EML2: variants seen among roughly 807,000 people sequenced by gnomAD.
EML2 encodes echinoderm microtubule-associated protein-like 2.
Under a neutral mutation model 84.7 loss-of-function variants are expected in EML2, and 59 were observed. The observed-to-expected ratio is 0.70, with a 90% CI of 0.56 to 0.86. The LOEUF is 0.86. Among genes scored for constraint, EML2 ranks in the 40% least tolerant of loss-of-function variants. The pLI is 0.00. For synonymous variants in EML2, 352 were observed against 348.9 expected, an observed-to-expected ratio of 1.01 and a Z score of -0.10; for missense variants, 818 against 855.6, an observed-to-expected ratio of 0.96 and a Z score of 0.55.
At chr19:45,639,424 C>T, upstream of EML2, 3 of 1,247,854 alleles carry the variant, frequency 2.4e-6, no homozygotes, top group Non-Finnish European at 3.0e-6. Flanking sequence ...CCGGGACCGG[C>T]TCTGCCGCTT....
rs982358746 is a variant in EML2, at chr19:45,616,636, G to T, written c.1412-78C>A. 6.0e-5 allele frequency: 84 copies of T among 1,402,628 alleles called. No individual in the cohort carries two copies. In the Middle Eastern group the frequency reaches 9.7e-4, roughly 16 times the overall value. The allele number at this position is 1,402,628 out of a possible 1,614,324, so 86.9% of individuals were successfully genotyped here. ...TCGCCCAGACTCAGCCCCCTCAACA[G>T]TCCCCAGCTCCATCCCCACTGCATC... is the stretch of plus-strand genomic sequence containing the variant. On this transcript the variant is annotated intron_variant, in intron 14 of 18. Transcript: ENST00000245925.
At chr19:45,643,719 C>T, upstream of EML2, 3 of 1,531,860 alleles carry the variant, frequency 2.0e-6, no homozygotes, top group Non-Finnish European at 1.7e-6. Context: ...GCCCTCTGGG[C>T]TCCGCAGTGC....
At chr19:45,639,131 G>T in intron 1 of EML2, 1 of 665,162 alleles carries the variant, frequency 1.5e-6, no homozygotes, top group Non-Finnish European at 2.6e-6. Flanking sequence ...TGGAAGAAGG[G>T]AGTCACCAAG....
chr19:45,628,120 C>A (rs375714162), intron 7 of EML2, among the ~76,000 whole-genome samples: 2 of 150,468 alleles, frequency 1.3e-5, no homozygotes, highest in African/African-American at 4.9e-5. Context: ...ACCTGTAATC[C>A]CAGCACTTTG....
intron 3 of EML2, 36 bp downstream of exon 3, chr19:45,638,469 G>T (rs1428442586): frequency 3.7e-5 from 60 of 1,613,116 alleles, no homozygotes; most frequent in Non-Finnish European, 4.7e-5. Context: ...CTCCTGGGGG[G>T]ATGGGAGCAC....
chr19:45,628,824 A>AAAGTAAAT, intron 7 of EML2: 1 of 147,532 alleles, frequency 6.8e-6, no homozygotes, highest in African/African-American at 2.6e-5. Context: ...ACTCCGTCTC[A>AAAGTAAAT]AAGTAAGTAA....
intron 9 of EML2, 99 bp from the exon 10 acceptor site, chr19:45,621,736 AC>A: frequency 1.6e-6 from 2 of 1,217,630 alleles, no homozygotes; most frequent in South Asian, 3.2e-5. Flanking sequence ...ATCCATTCTC[AC>A]CCACTTTTCC....
At chr19:45,643,501 C>A, upstream of EML2, 2 of 1,527,486 alleles carry the variant, frequency 1.3e-6, no homozygotes, top group Non-Finnish European at 1.8e-6. Flanking sequence ...GCCCCCCCAA[C>A]CCCGCTCATT....
upstream of EML2, chr19:45,639,520 A>G: frequency 1.2e-6 from 1 of 828,132 alleles, no homozygotes; most frequent in Non-Finnish European, 1.6e-6. Context: ...ACCGGGTCAC[A>G]CATCCCGGGC....
chr19:45,645,251 C>G (rs1298084876), upstream of EML2: 4 of 1,531,042 alleles, frequency 2.6e-6, no homozygotes, highest in African/African-American at 2.8e-5. Flanking sequence ...GGGCCAAGGT[C>G]GGAACTGAGG....
chr19:45,616,266 G>A (rs976110211), intron 15 of EML2, 195 bp downstream of exon 15: 10 of 577,732 alleles, frequency 1.7e-5, no homozygotes, highest in Non-Finnish European at 2.8e-5. Flanking sequence ...TTAGCACGTG[G>A]GGGCGGGGCT....
intron 11 of EML2, 151 bp from the exon 12 acceptor site, chr19:45,619,342 G>GC: frequency 1.0e-6 from 1 of 998,716 alleles, no homozygotes; most frequent in East Asian, 2.8e-5. Flanking sequence ...TCTGAAGGGG[G>GC]CCTCAATTGG....
upstream of EML2, among the ~76,000 whole-genome samples, chr19:45,639,813 G>A (rs1012778695): frequency 6.6e-6 from 1 of 152,034 alleles, no homozygotes; most frequent in Non-Finnish European, 1.5e-5. Flanking sequence ...GGCCAACGTG[G>A]TGAAACCCCG....
In EML2 at chr19:45,609,429, T is replaced by G; in HGVS notation, c.*234A>C. On this transcript the variant is annotated 3_prime_UTR_variant, in exon 19 of 19. Transcript: ENST00000245925. ...TGTACGTGTCTTTATTTCTGGATGA[T>G]ATAAAAGAAAAAACTTAAAAAACAC... 2.5e-6 allele frequency: 1 copy of G among 407,496 alleles called. No homozygotes were observed. The highest frequency in any genetic ancestry group is 4.4e-6 in the Non-Finnish European group (1 of 229,106). The allele number at this position is 407,496 out of a possible 1,614,324, so 25.2% of individuals were successfully genotyped here.
At chr19:45,643,785 C>T, upstream of EML2, 1 of 1,474,002 alleles carries the variant, frequency 6.8e-7, no homozygotes, top group South Asian at 1.3e-5. Flanking sequence ...GAGGCTTGCC[C>T]GCCCTGCCCC....
At chr19:45,627,552 G>T (rs573432174) in intron 7 of EML2, among the ~76,000 whole-genome samples, 2 of 152,250 alleles carry the variant, frequency 1.3e-5, no homozygotes, top group Non-Finnish European at 2.9e-5. Flanking sequence ...ACCACGCCTG[G>T]CCAGTACCTT....
chr19:45,635,341 A>G (rs186862345), intron 3 of EML2, among the ~76,000 whole-genome samples: 6 of 151,776 alleles, frequency 4.0e-5, no homozygotes, highest in Non-Finnish European at 8.8e-5. Context: ...GTTTCACCAT[A>G]TTGGTCAGGG....
At chr19:45,629,575 C>T (rs1332903482) in intron 7 of EML2, among the ~76,000 whole-genome samples, 3 of 151,472 alleles carry the variant, frequency 2.0e-5, no homozygotes, top group Admixed American at 6.6e-5. Flanking sequence ...CTGCCTGCCT[C>T]GGCCTCCCAA....
chr19:45,634,657 G>A (rs1411428592), intron 3 of EML2, among the ~76,000 whole-genome samples, 186 bp from the exon 4 acceptor site: 1 of 152,026 alleles, frequency 6.6e-6, no homozygotes, highest in Admixed American at 6.6e-5. Flanking sequence ...CGCCTCCTGG[G>A]TTCATGCCAT....
Sources: gnomAD v4.1 joint callset for allele counts (sites outside exome capture counted in the v4.1 genomes callset) on GRCh38, gnomAD v4.1.1 for gene constraint, MANE v1.5 for transcripts, NCBI Gene and HGNC (gene_info 2026-07-23, HGNC 2026-07-21) for gene names.